Variants in MED27 observed in about 807,000 individuals in gnomAD.
MED27 encodes the protein mediator of RNA polymerase II transcription subunit 27.
Under a neutral mutation model 38.2 loss-of-function variants are expected in MED27, and 30 were observed. The ratio of observed to expected loss-of-function variants is 0.79; its 90% confidence interval spans 0.59 to 1.07. The LOEUF is 1.07. Among genes scored for constraint, MED27 ranks in the 50% least tolerant of loss-of-function variants. The probability of loss-of-function intolerance (pLI) is 0.00; values close to 1 mark genes in which losing one functional copy is unlikely to be tolerated. For synonymous variants in MED27, 122 were observed against 153.5 expected (o/e 0.79, Z 1.52); for missense variants, 289 against 397.5 (o/e 0.73, Z 2.32).
At chr9:132,021,500 C>T (rs9411334) in intron 2 of MED27, among the ~76,000 whole-genome samples, 85,853 of 151,948 alleles carry the variant, frequency 0.57, 26,388 homozygotes, top group Non-Finnish European at 0.68. Context: ...AAAAGACAGA[C>T]GAGGGTATAT....
Position 131,907,499 on chromosome 9 carries a change from C to T in MED27, c.574-13507G>A, listed in dbSNP as rs553157627. ...CCTACCGAGGTGCCGGGATTGCAGA[C>T]GTAGCCTCGTTCACTCAGTGCTCAA... On this transcript the variant is annotated intron_variant, in intron 4 of 7. Transcript: ENST00000292035. Among the ~76,000 whole-genome samples the T allele has an allele frequency of 1.2e-4, 19 of 152,348 alleles. No individual in the cohort carries two copies. The East Asian group carries it at 3.3e-3, about 26-fold the overall frequency.
At chr9:131,921,655 C>G (rs1410461984) in intron 4 of MED27, among the ~76,000 whole-genome samples, 1 of 152,170 alleles carries the variant, frequency 6.6e-6, no homozygotes, top group Non-Finnish European at 1.5e-5. Context: ...TACCATTTGA[C>G]CCAGCCATCC....
At chr9:131,978,295 CA>C (rs1467532435) in intron 3 of MED27, among the ~76,000 whole-genome samples, 3 of 152,118 alleles carry the variant, frequency 2.0e-5, no homozygotes, top group Non-Finnish European at 4.4e-5. Flanking sequence ...TATATACATA[CA>C]TTTAAAAAGA....
intron 2 of MED27, among the ~76,000 whole-genome samples, chr9:132,028,756 T>C (rs1425180633): frequency 6.6e-6 from 1 of 152,160 alleles, no homozygotes; most frequent in Non-Finnish European, 1.5e-5. Flanking sequence ...AGAGATCATC[T>C]GCAACAGAAT....
chr9:131,931,077 C>G (rs1462477446), intron 4 of MED27, among the ~76,000 whole-genome samples: 4 of 151,872 alleles, frequency 2.6e-5, no homozygotes, highest in Non-Finnish European at 5.9e-5. Flanking sequence ...AAACCTGTCT[C>G]TATCAAAAAT....
intron 6 of MED27, among the ~76,000 whole-genome samples, chr9:131,882,959 G>A (rs1418718846): frequency 6.6e-6 from 1 of 151,564 alleles, no homozygotes; most frequent in Non-Finnish European, 1.5e-5. Context: ...CCAGGCTGGA[G>A]TGCAATGGCA....
At chr9:132,073,805 G>A in intron 2 of MED27, 1 of 1,477,128 alleles carries the variant, frequency 6.8e-7, no homozygotes, top group South Asian at 1.4e-5. Context: ...CTCGCTCTGG[G>A]CCCATTTCCC....
intron 4 of MED27, among the ~76,000 whole-genome samples, chr9:131,907,203 CTCTCCCTCTCCCTCTCCCCACGG>C (rs1479280546): frequency 2.0e-5 from 3 of 151,720 alleles, no homozygotes; most frequent in Non-Finnish European, 2.9e-5. Flanking sequence ...CGTGCTCTCC[CTCTCCCTCTCCCTCTCCCCACGG>C]TCTCCCTCTC....
chr9:131,963,203 G>A (rs183022241), intron 3 of MED27, among the ~76,000 whole-genome samples: 22 of 152,118 alleles, frequency 1.4e-4, no homozygotes, highest in Admixed American at 9.8e-4. Context: ...AATAGCAACC[G>A]TATCATTCAC....
At chr9:132,025,182 ATTT>A (rs11306470) in intron 2 of MED27, among the ~76,000 whole-genome samples, 2 of 144,244 alleles carry the variant, frequency 1.4e-5, no homozygotes, top group Non-Finnish European at 1.5e-5. Context: ...ATTAGAGTGA[ATTT>A]TTTTTTTTTT....
intron 3 of MED27, among the ~76,000 whole-genome samples, chr9:131,959,021 A>G (rs1022330177): frequency 3.9e-5 from 6 of 152,238 alleles, no homozygotes; most frequent in Admixed American, 1.3e-4. Context: ...AAACCTGTAC[A>G]TTACTACTGA....
chr9:131,922,977 GCT>G (rs1830424543), intron 4 of MED27, among the ~76,000 whole-genome samples: 1 of 152,108 alleles, frequency 6.6e-6, no homozygotes, highest in South Asian at 2.1e-4. Flanking sequence ...ACAGCAAGAT[GCT>G]CTAGGCTCAT....
At chr9:131,929,401 G>C (rs1023619560) in intron 4 of MED27, among the ~76,000 whole-genome samples, 9 of 152,158 alleles carry the variant, frequency 5.9e-5, no homozygotes, top group Non-Finnish European at 1.0e-4. Flanking sequence ...CAGGAGGGTA[G>C]GGCACCAAGT....
intron 3 of MED27, among the ~76,000 whole-genome samples, chr9:131,996,083 C>T (rs1171779128): frequency 6.6e-6 from 1 of 152,202 alleles, no homozygotes; most frequent in Non-Finnish European, 1.5e-5. Flanking sequence ...GATCTCACTG[C>T]ATTATAAGCT....
intron 3 of MED27, among the ~76,000 whole-genome samples, chr9:132,013,502 G>GA (rs1455179156): frequency 6.6e-6 from 1 of 152,202 alleles, no homozygotes; most frequent in African/African-American, 2.4e-5. Context: ...ACATGAGTGT[G>GA]AAAAAATCAT....
chr9:131,955,397 T>C (rs1831076172), intron 3 of MED27, among the ~76,000 whole-genome samples: 1 of 151,408 alleles, frequency 6.6e-6, no homozygotes, highest in Non-Finnish European at 1.5e-5. Flanking sequence ...CCAAGGTAAG[T>C]ACAAGGAGGC....
chr9:131,913,409 C>T lies in MED27; in HGVS notation c.574-19417G>A, dbSNP rs913105553. ...ATCTATAAAACAGTGATAACATCTT[C>T]GGCTGACGGGTGAGTGTGAACATCA... On this transcript the variant is annotated intron_variant, in intron 4 of 7. Transcript: ENST00000292035. The surrounding 1 kb of genome is among the most constrained non-coding windows in gnomAD (Gnocchi z 4.5). 2.6e-5 allele frequency among the ~76,000 whole-genome samples: 4 copies of T among 152,176 alleles called. No individual in the cohort carries two copies. Among genetic ancestry groups the T allele is most frequent in the African/African-American group, 9.7e-5 (4 of 41,438 alleles).
intron 2 of MED27, among the ~76,000 whole-genome samples, chr9:132,071,393 G>A (rs562996400): frequency 8.0e-5 from 12 of 149,634 alleles, no homozygotes; most frequent in African/African-American, 1.7e-4. Context: ...CACGAGTAAC[G>A]CACACCCCAT....
At chr9:131,868,342 A>G (rs111355047) in intron 6 of MED27, among the ~76,000 whole-genome samples, 2,697 of 152,260 alleles carry the variant, frequency 0.018, 74 homozygotes, top group African/African-American at 0.062. Flanking sequence ...GCAGTGGCCC[A>G]ATCTTAGCTC....
Sources: gnomAD v4.1 joint callset for allele counts (sites outside exome capture counted in the v4.1 genomes callset) on GRCh38, gnomAD v4.1.1 for gene constraint, Gnocchi (gnomAD v3.1) non-coding constraint, MANE v1.5 for transcripts, NCBI Gene and HGNC (gene_info 2026-07-23, HGNC 2026-07-21) for gene names.